Variants in WDR7 observed in about 807,000 individuals in gnomAD.
WDR7 encodes the protein WD repeat domain 7, also known as WD repeat-containing protein 7.
In WDR7, 46 loss-of-function variants were observed where a neutral mutation model predicts 169.4. The observed-to-expected ratio is 0.27, with a 90% confidence interval of 0.21 to 0.35. The LOEUF (loss-of-function observed/expected upper bound fraction) is 0.35, where lower values mean the gene tolerates loss of function less well. Ranked by LOEUF, WDR7 falls within the 10% of genes least tolerant of loss-of-function variation. The probability of loss-of-function intolerance (pLI) is 1.00; values close to 1 mark genes in which losing one functional copy is unlikely to be tolerated. For missense variants in WDR7, 1,534 were observed against 1,859.3 expected (o/e 0.83, Z 3.22); for synonymous variants, 612 against 666.8 (o/e 0.92, Z 1.27).
intron 13 of WDR7, among the ~76,000 whole-genome samples, chr18:56,723,996 A>G (rs979323288): frequency 4.0e-5 from 6 of 151,296 alleles, no homozygotes; most frequent in Non-Finnish European, 8.8e-5. Context: ...CATCCCAAAC[A>G]CTGTAGTTTA....
At chr18:56,996,760 G>C (rs1162440573) in intron 26 of WDR7, among the ~76,000 whole-genome samples, 1 of 152,192 alleles carries the variant, frequency 6.6e-6, no homozygotes, top group African/African-American at 2.4e-5. Context: ...AGTACAAAAT[G>C]GAGCTTAAAA....
chr18:56,945,708 A>G (rs1483803602), intron 25 of WDR7, among the ~76,000 whole-genome samples: 1 of 152,144 alleles, frequency 6.6e-6, no homozygotes, highest in East Asian at 1.9e-4. Flanking sequence ...CCTGATTTCT[A>G]GGATCCACAT....
At chr18:56,689,611 G>A (rs1460730362) in intron 7 of WDR7, among the ~76,000 whole-genome samples, 1 of 152,054 alleles carries the variant, frequency 6.6e-6, no homozygotes, top group Non-Finnish European at 1.5e-5. Flanking sequence ...AATTTATTTT[G>A]TATAAATTGT....
At chr18:56,927,084 A>T (rs1474460729) in intron 22 of WDR7, among the ~76,000 whole-genome samples, 12 of 152,060 alleles carry the variant, frequency 7.9e-5, no homozygotes, top group Admixed American at 7.9e-4. Flanking sequence ...GTTCACGTTT[A>T]TTGAAAAAGA....
chr18:56,854,942 A>G (rs1307988897), intron 20 of WDR7, among the ~76,000 whole-genome samples: 1 of 152,212 alleles, frequency 6.6e-6, no homozygotes. Context: ...GTTATGAGCC[A>G]GGAACTATGG....
intron 12 of WDR7, among the ~76,000 whole-genome samples, chr18:56,701,709 T>TG (rs2025838650): frequency 6.6e-6 from 1 of 152,204 alleles, no homozygotes; most frequent in Admixed American, 6.5e-5. Context: ...CATCTGTACT[T>TG]GGACTGTTTA....
intron 26 of WDR7, among the ~76,000 whole-genome samples, chr18:56,967,586 T>C (rs1327126036): frequency 6.6e-6 from 1 of 152,162 alleles, no homozygotes; most frequent in East Asian, 1.9e-4. Flanking sequence ...AGACTTGATA[T>C]CATATCTCAC....
At chr18:56,691,130 G>T in intron 7 of WDR7, 86 bp from the exon 8 acceptor site, 1 of 1,522,988 alleles carries the variant, frequency 6.6e-7, no homozygotes, top group Non-Finnish European at 8.8e-7. Flanking sequence ...TACATTTCCA[G>T]GCTTTTTTTT....
chr18:56,860,506 A>G (rs1309387537), intron 20 of WDR7, among the ~76,000 whole-genome samples: 1 of 152,176 alleles, frequency 6.6e-6, no homozygotes, highest in Non-Finnish European at 1.5e-5. Flanking sequence ...AAATCAATAT[A>G]CACATCCAGC....
chr18:56,667,272 G>A (rs72926218), intron 1 of WDR7, among the ~76,000 whole-genome samples: 2,290 of 152,142 alleles, frequency 0.015, 23 homozygotes, highest in Middle Eastern at 0.031. Context: ...TTCTTCCTCT[G>A]TAATGTCTCC....
intron 19 of WDR7, among the ~76,000 whole-genome samples, chr18:56,800,799 C>T (rs1599054795): frequency 6.6e-6 from 1 of 152,176 alleles, no homozygotes; most frequent in Admixed American, 6.5e-5. Flanking sequence ...TACTTTCTGG[C>T]ACAGGCTCCC....
intron 20 of WDR7, among the ~76,000 whole-genome samples, chr18:56,832,888 C>T (rs930346167): frequency 1.2e-4 from 18 of 152,182 alleles, no homozygotes; most frequent in African/African-American, 3.1e-4. Flanking sequence ...GAAAAACCAG[C>T]GCAAAAAGGC....
intron 20 of WDR7, among the ~76,000 whole-genome samples, chr18:56,859,364 T>A (rs1307036257): frequency 6.6e-6 from 1 of 152,206 alleles, no homozygotes; most frequent in Non-Finnish European, 1.5e-5. Context: ...AGAGGTGGTC[T>A]GCCTGGTTTG....
In WDR7 at chr18:56,658,197, C is replaced by T. The variant is rs370860033; in HGVS notation, c.-20+6621C>T. ...CGGCTCACTGCAACCTCTGCCTCCCCGGTTCAAGCAATTTTTCTGCCTCAG... is the reference window on the plus strand; with the variant it reads ...CGGCTCACTGCAACCTCTGCCTCCCTGGTTCAAGCAATTTTTCTGCCTCAG... On this transcript the variant is annotated intron_variant, in intron 1 of 27. Coordinates refer to ENST00000254442, the MANE Select transcript of WDR7 (RefSeq NM_015285.3). 7.2e-5 allele frequency among the ~76,000 whole-genome samples: 11 copies of T among 152,006 alleles called. No homozygotes were observed. In the East Asian group the frequency reaches 9.7e-4, roughly 13 times the overall value.
downstream of WDR7, chr18:57,034,261 A>C (rs959639365): frequency 2.0e-5 from 3 of 152,186 alleles, no homozygotes; most frequent in African/African-American, 7.3e-5. Flanking sequence ...TTTCAAAACC[A>C]CTTGGAAAGG....
intron 20 of WDR7, among the ~76,000 whole-genome samples, chr18:56,820,359 A>AAAAC (rs1555695957): frequency 4.8e-4 from 61 of 127,504 alleles, no homozygotes; most frequent in African/African-American, 2.1e-3. Flanking sequence ...AAAAAAAAAA[A>AAAAC]AAAAACCACC....
intron 14 of WDR7, among the ~76,000 whole-genome samples, chr18:56,738,936 A>G (rs1335338251): frequency 1.3e-5 from 2 of 151,338 alleles, no homozygotes; most frequent in African/African-American, 4.9e-5. Context: ...CATTGGTTAT[A>G]ATAATGCGTT....
chr18:56,817,858 C>T (rs1251345263), intron 20 of WDR7, among the ~76,000 whole-genome samples: 3 of 151,766 alleles, frequency 2.0e-5, no homozygotes, highest in Non-Finnish European at 4.4e-5. Flanking sequence ...AATTCTCCTG[C>T]CTCAGCCTCT....
At chr18:56,987,011 G>C (rs540679373) in intron 26 of WDR7, among the ~76,000 whole-genome samples, 25 of 152,076 alleles carry the variant, frequency 1.6e-4, no homozygotes, top group Admixed American at 3.3e-4. Context: ...TTCCAGAGCT[G>C]ACCTTTACTC....
Sources: allele counts gnomAD v4.1 joint callset (sites outside exome capture counted in the v4.1 genomes callset), GRCh38; gene constraint gnomAD v4.1.1; transcripts MANE v1.5; gene names NCBI Gene and HGNC (gene_info 2026-07-23, HGNC 2026-07-21).